GRIP1: variants seen among roughly 807,000 people sequenced by gnomAD.
The protein encoded by GRIP1 is glutamate receptor interacting protein 1.
GRIP1 carries 45 observed loss-of-function variants against 129.9 expected under a neutral mutation model. That is an observed-to-expected ratio of 0.35 (90% CI 0.27 to 0.44). GRIP1 has a LOEUF of 0.44. Among genes scored for constraint, GRIP1 ranks in the 20% least tolerant of loss-of-function variants. The probability of loss-of-function intolerance (pLI) is 1.00; values close to 1 mark genes in which losing one functional copy is unlikely to be tolerated. For missense variants in GRIP1, 1,196 were observed against 1,396.8 expected, an observed-to-expected ratio of 0.86 and a Z score of 2.29; for synonymous variants, 530 against 520.8, an observed-to-expected ratio of 1.02 and a Z score of -0.24.
chr12:66,521,180 T>C (rs187323261), intron 5 of GRIP1, among the ~76,000 whole-genome samples: 16 of 152,338 alleles, frequency 1.1e-4, no homozygotes, highest in Admixed American at 1.0e-3. Context: ...TTCACTGGAC[T>C]GTAATTCCTT....
At chr12:66,861,788 C>G (rs1187522351) in intron 1 of GRIP1, among the ~76,000 whole-genome samples, 1 of 152,046 alleles carries the variant, frequency 6.6e-6, no homozygotes, top group African/African-American at 2.4e-5. Context: ...AAAACAGGCT[C>G]CTCTTGAATC....
chr12:66,753,972 C>G (rs1207149941), intron 1 of GRIP1, among the ~76,000 whole-genome samples: 1 of 152,224 alleles, frequency 6.6e-6, no homozygotes, highest in East Asian at 1.9e-4. Flanking sequence ...TCAATTCACA[C>G]TTGAATGTCA....
intron 2 of GRIP1, among the ~76,000 whole-genome samples, chr12:66,577,822 G>T (rs1265436708): frequency 6.6e-6 from 1 of 152,058 alleles, no homozygotes; most frequent in African/African-American, 2.4e-5. Flanking sequence ...GGGCATAGTG[G>T]CATGTGCCTG....
chr12:66,502,897 A>T (rs1263970363), intron 7 of GRIP1, among the ~76,000 whole-genome samples: 1 of 152,216 alleles, frequency 6.6e-6, no homozygotes, highest in Non-Finnish European at 1.5e-5. Flanking sequence ...TATCCAAATT[A>T]CTTCAAAGAC....
At chr12:66,409,455 T>A (rs1043941720) in intron 15 of GRIP1, among the ~76,000 whole-genome samples, 4 of 152,228 alleles carry the variant, frequency 2.6e-5, no homozygotes, top group African/African-American at 9.6e-5. Context: ...GCAAGAGCCA[T>A]AGTGTTACTG....
intron 4 of GRIP1, among the ~76,000 whole-genome samples, chr12:66,533,887 A>ACACTCT (rs139244381): frequency 1.4e-5 from 2 of 147,938 alleles, no homozygotes; most frequent in African/African-American, 5.0e-5. Flanking sequence ...ACATACACAC[A>ACACTCT]CTCTCTCTCT....
chr12:66,550,293 A>T (rs546788138), intron 2 of GRIP1, among the ~76,000 whole-genome samples: 2 of 152,324 alleles, frequency 1.3e-5, no homozygotes. Flanking sequence ...TCTTATAAGG[A>T]ACTTATGGTA....
chr12:66,743,569 T>C (rs1408131989), intron 1 of GRIP1, among the ~76,000 whole-genome samples: 1 of 144,412 alleles, frequency 6.9e-6, no homozygotes, highest in Non-Finnish European at 1.5e-5. Flanking sequence ...GAATCAATGA[T>C]GTCCATAACG....
chr12:66,948,473 T>G (rs1450644411), intron 1 of GRIP1, among the ~76,000 whole-genome samples: 1 of 152,154 alleles, frequency 6.6e-6, no homozygotes, highest in Non-Finnish European at 1.5e-5. Flanking sequence ...AAAAAGATAC[T>G]CAAGATGAAT....
chr12:66,362,167 T>A (rs1005852075), intron 23 of GRIP1, among the ~76,000 whole-genome samples: 4 of 110,506 alleles, frequency 3.6e-5, no homozygotes, highest in Admixed American at 9.8e-5. Context: ...TTTTTTTTTT[T>A]AATGAGACAG....
chr12:66,741,755 T>A (rs2036795134), intron 1 of GRIP1, among the ~76,000 whole-genome samples: 1 of 152,170 alleles, frequency 6.6e-6, no homozygotes, highest in Non-Finnish European at 1.5e-5. Context: ...CTAGCTACAT[T>A]TCAAATGCTC....
chr12:66,368,425 A>G (rs1320468776), intron 23 of GRIP1, among the ~76,000 whole-genome samples: 1 of 152,174 alleles, frequency 6.6e-6, no homozygotes, highest in African/African-American at 2.4e-5. Flanking sequence ...GAAAGATAGC[A>G]CCAGGAAAAT....
chr12:66,440,233 C>A (rs1014252390), intron 13 of GRIP1, among the ~76,000 whole-genome samples: 1 of 152,054 alleles, frequency 6.6e-6, no homozygotes, highest in African/African-American at 2.4e-5. Context: ...TACTTTGATA[C>A]AAGTATGCAA....
At chr12:66,811,293 G>C (rs571063672) in intron 1 of GRIP1, among the ~76,000 whole-genome samples, 13 of 152,282 alleles carry the variant, frequency 8.5e-5, no homozygotes, top group African/African-American at 2.9e-4. Flanking sequence ...AAAATGCTAA[G>C]TGTGCCGTTC....
chr12:66,669,010 A>G (rs767238827), intron 1 of GRIP1, among the ~76,000 whole-genome samples: 1 of 152,180 alleles, frequency 6.6e-6, no homozygotes, highest in Non-Finnish European at 1.5e-5. Flanking sequence ...TTCTTTCCCC[A>G]TGTGATGTGA....
chr12:66,792,735 AC>A (rs1472597539), intron 1 of GRIP1, among the ~76,000 whole-genome samples: 102 of 152,246 alleles, frequency 6.7e-4, no homozygotes, highest in African/African-American at 2.4e-3. Context: ...AAAGTAAAAA[AC>A]AAAACCTTCT....
At chr12:66,688,823 C>A (rs966301286) in intron 1 of GRIP1, among the ~76,000 whole-genome samples, 55 of 148,090 alleles carry the variant, frequency 3.7e-4, no homozygotes, top group Admixed American at 1.9e-3. Context: ...GAGGAAACAA[C>A]CCTCTAATAA....
intron 1 of GRIP1, among the ~76,000 whole-genome samples, chr12:66,850,009 G>C (rs774307263): frequency 6.6e-6 from 1 of 152,056 alleles, no homozygotes; most frequent in Admixed American, 6.6e-5. Flanking sequence ...GAAGGATATC[G>C]GTCCAGAAAA....
chr12:66,914,405 C>A (rs1307636221), intron 1 of GRIP1, among the ~76,000 whole-genome samples: 2 of 152,102 alleles, frequency 1.3e-5, no homozygotes, highest in Non-Finnish European at 2.9e-5. Flanking sequence ...TGTGTTATTG[C>A]AAATTTTACT....
Sources: allele counts gnomAD v4.1 joint callset (sites outside exome capture counted in the v4.1 genomes callset), GRCh38; gene constraint gnomAD v4.1.1; transcripts MANE v1.5; gene names NCBI Gene and HGNC (gene_info 2026-07-23, HGNC 2026-07-21).